Variants in LRRTM4 observed in about 807,000 individuals in gnomAD.
LRRTM4 encodes the protein leucine rich repeat transmembrane neuronal 4.
In LRRTM4, 25 loss-of-function variants were observed where a neutral mutation model predicts 47.6. The ratio of observed to expected loss-of-function variants is 0.53; its 90% CI spans 0.38 to 0.73. The LOEUF is 0.73. Among genes scored for constraint, LRRTM4 ranks in the 30% least tolerant of loss-of-function variants. The pLI is 0.00. For missense variants in LRRTM4, 638 were observed against 713.4 expected, an observed-to-expected ratio of 0.89 and a Z score of 1.20; for synonymous variants, 311 against 269.5, an observed-to-expected ratio of 1.15 and a Z score of -1.51.
intron 3 of LRRTM4, among the ~76,000 whole-genome samples, chr2:76,991,504 T>C (rs772960580): frequency 1.9e-4 from 29 of 151,746 alleles, no homozygotes; most frequent in Non-Finnish European, 2.2e-4. Flanking sequence ...GTTATGAACA[T>C]ACCAATGCAC....
chr2:76,773,213 T>C (rs1380921786), intron 3 of LRRTM4, among the ~76,000 whole-genome samples: 1 of 152,228 alleles, frequency 6.6e-6, no homozygotes, highest in African/African-American at 2.4e-5. Flanking sequence ...AGGAGCCTAA[T>C]TTCCATAAGC....
At chr2:77,459,184 C>A (rs1259431931) in intron 3 of LRRTM4, among the ~76,000 whole-genome samples, 1 of 152,020 alleles carries the variant, frequency 6.6e-6, no homozygotes, top group East Asian at 1.9e-4. Context: ...TTATTTATCT[C>A]CTCAAAAATT....
chr2:76,910,136 C>T (rs933640715), intron 3 of LRRTM4, among the ~76,000 whole-genome samples: 2 of 151,974 alleles, frequency 1.3e-5, no homozygotes, highest in African/African-American at 2.4e-5. Context: ...GAAAATGTGG[C>T]ACATAGACAC....
At chr2:77,063,901 G>T (rs1456838282) in intron 3 of LRRTM4, among the ~76,000 whole-genome samples, 1 of 152,042 alleles carries the variant, frequency 6.6e-6, no homozygotes, top group African/African-American at 2.4e-5. Context: ...CTAAAATAAA[G>T]ATGACTAATG....
At chr2:77,193,490 C>T (rs1673729003) in intron 3 of LRRTM4, among the ~76,000 whole-genome samples, 1 of 151,110 alleles carries the variant, frequency 6.6e-6, no homozygotes, top group Admixed American at 6.6e-5. Context: ...ATTGATATGC[C>T]TTGCTCTTTT....
intron 3 of LRRTM4, among the ~76,000 whole-genome samples, chr2:77,238,046 G>A (rs2103983836): frequency 6.6e-6 from 1 of 152,156 alleles, no homozygotes; most frequent in Middle Eastern, 3.4e-3. Context: ...CAGGTATGTA[G>A]AATGAACAAG....
intron 3 of LRRTM4, among the ~76,000 whole-genome samples, chr2:76,793,428 C>A (rs2103724994): frequency 6.6e-6 from 1 of 152,086 alleles, no homozygotes; most frequent in Non-Finnish European, 1.5e-5. Context: ...ACTTCCAAAG[C>A]AAAAGAATCA....
At chr2:77,309,032 T>G (rs1440125273) in intron 3 of LRRTM4, among the ~76,000 whole-genome samples, 3 of 152,064 alleles carry the variant, frequency 2.0e-5, no homozygotes, top group Non-Finnish European at 4.4e-5. Context: ...GAAATGTAAA[T>G]AAAAGGAAGG....
At chr2:77,495,934 T>A (rs1425179857) in intron 3 of LRRTM4, among the ~76,000 whole-genome samples, 1 of 151,946 alleles carries the variant, frequency 6.6e-6, no homozygotes, top group Non-Finnish European at 1.5e-5. Flanking sequence ...GCTTAGACTT[T>A]GGTTAAGGTC....
intron 3 of LRRTM4, among the ~76,000 whole-genome samples, chr2:76,895,690 G>A (rs750839486): frequency 1.3e-5 from 2 of 152,076 alleles, no homozygotes; most frequent in African/African-American, 2.4e-5. Flanking sequence ...CCTTCATCAC[G>A]CCATCGGAAT....
chr2:76,856,051 C>A (rs1018322085), intron 3 of LRRTM4, among the ~76,000 whole-genome samples: 7 of 152,070 alleles, frequency 4.6e-5, no homozygotes, highest in Non-Finnish European at 1.0e-4. Context: ...CCAAGGTGGG[C>A]GGATTACCTG....
At position 77,313,288 on chromosome 2, in the gene LRRTM4, C is replaced by A. The variant is rs148340672; in HGVS notation, c.1551+205030G>T. ...AGGCCTGTTGCTGGGATGTGCCCCC[C>A]TAACTTTTCCTGGGACCTGGTGCTG... On this transcript the variant is annotated intron_variant, in intron 3 of 3. Transcript: ENST00000409884. Among the ~76,000 whole-genome samples, 248 of 150,384 alleles carry A rather than the reference C, an allele frequency of 1.6e-3. 5 individuals carry two copies. In the East Asian group the frequency reaches 0.048, roughly 29 times the overall value.
At chr2:77,124,713 C>G (rs1055865295) in intron 3 of LRRTM4, among the ~76,000 whole-genome samples, 1 of 152,130 alleles carries the variant, frequency 6.6e-6, no homozygotes, top group Non-Finnish European at 1.5e-5. Context: ...TTGTATTCCT[C>G]TAGCCATCAG....
At chr2:77,083,320 T>C (rs1213054103) in intron 3 of LRRTM4, among the ~76,000 whole-genome samples, 1 of 152,172 alleles carries the variant, frequency 6.6e-6, no homozygotes, top group African/African-American at 2.4e-5. Context: ...GTAGGGGTCC[T>C]GAGGAGTGCT....
At chr2:77,392,101 ACAT>A (rs1411786227) in intron 3 of LRRTM4, among the ~76,000 whole-genome samples, 2 of 152,070 alleles carry the variant, frequency 1.3e-5, no homozygotes, top group Non-Finnish European at 1.5e-5. Flanking sequence ...AAAGACATTT[ACAT>A]CTATTCTCTC....
chr2:77,441,039 A>T (rs1418024331), intron 3 of LRRTM4, among the ~76,000 whole-genome samples: 1 of 152,228 alleles, frequency 6.6e-6, no homozygotes, highest in Non-Finnish European at 1.5e-5. Context: ...CTGCTGAAAT[A>T]GTCTGCCAAA....
intron 3 of LRRTM4, among the ~76,000 whole-genome samples, chr2:76,788,763 AGG>A (rs902283838): frequency 6.6e-6 from 1 of 152,150 alleles, no homozygotes; most frequent in Non-Finnish European, 1.5e-5. Flanking sequence ...GTGAATTTTT[AGG>A]GGGGAGGAAG....
At chr2:77,368,958 T>C (rs1329241959) in intron 3 of LRRTM4, among the ~76,000 whole-genome samples, 1 of 151,750 alleles carries the variant, frequency 6.6e-6, no homozygotes, top group East Asian at 1.9e-4. Flanking sequence ...ATATTCCCAC[T>C]AACAGTGAAC....
intron 3 of LRRTM4, among the ~76,000 whole-genome samples, chr2:77,170,769 A>G (rs1239095606): frequency 8.2e-6 from 1 of 122,182 alleles, no homozygotes; most frequent in African/African-American, 3.0e-5. Context: ...ATAAATGATC[A>G]TAGGAATTTC....
Sources: allele counts gnomAD v4.1 joint callset (sites outside exome capture counted in the v4.1 genomes callset), GRCh38; gene constraint gnomAD v4.1.1; transcripts MANE v1.5; gene names NCBI Gene and HGNC (gene_info 2026-07-23, HGNC 2026-07-21).